Variants in PHTF2 observed in about 807,000 individuals in gnomAD.
PHTF2 encodes putative homeodomain transcription factor 2.
A neutral mutation model predicts 101.2 loss-of-function variants in PHTF2; 60 were observed. The ratio of observed to expected loss-of-function variants is 0.59; its 90% CI spans 0.48 to 0.73. The LOEUF is 0.73. Ranked by LOEUF, PHTF2 falls within the 30% of genes least tolerant of loss-of-function variation. PHTF2 has a pLI of 0.00. For synonymous variants in PHTF2, 311 were observed against 307.3 expected, an observed-to-expected ratio of 1.01 and a Z score of -0.13; for missense variants, 747 against 908.7, an observed-to-expected ratio of 0.82 and a Z score of 2.29.
chr7:77,859,317 G>T (rs1205644382), intron 3 of PHTF2, among the ~76,000 whole-genome samples: 1 of 152,142 alleles, frequency 6.6e-6, no homozygotes, highest in Non-Finnish European at 1.5e-5. Context: ...AAGGATAACT[G>T]AAGTATATTT....
At chr7:77,913,948 C>T (rs1802651919) in intron 9 of PHTF2, among the ~76,000 whole-genome samples, 1 of 151,820 alleles carries the variant, frequency 6.6e-6, no homozygotes, top group African/African-American at 2.4e-5. Flanking sequence ...TGCCTGTAAT[C>T]CCAGCTACTT....
intron 3 of PHTF2, among the ~76,000 whole-genome samples, chr7:77,885,387 C>T (rs1206527901): frequency 1.3e-5 from 2 of 152,146 alleles, no homozygotes; most frequent in African/African-American, 4.8e-5. Context: ...TAGGCATGAG[C>T]CACCAAGCCC....
Position 77,922,769 on chromosome 7 carries a change from C to T in PHTF2, c.1110C>T (p.Tyr370=), listed in dbSNP as rs1466890865. 7 of 1,589,946 alleles carry T rather than the reference C, an allele frequency of 4.4e-6. No individual in the cohort carries two copies. In the South Asian group the frequency reaches 7.9e-5, roughly 18 times the overall value. ...AGTCACACCATTATAAGAAACATTA[C>T]CCTAATGAGGTATATACTTTGTCCT... Residue 370 remains tyrosine, a synonymous_variant, in exon 11 of 20, where the codon TAC becomes TAT. Transcript: ENST00000416283.
At chr7:77,853,285 G>A (rs1252435443) in intron 2 of PHTF2, among the ~76,000 whole-genome samples, 2 of 151,508 alleles carry the variant, frequency 1.3e-5, no homozygotes, top group African/African-American at 4.9e-5. Flanking sequence ...TGTCTCTTCT[G>A]ACTGTATTTT....
chr7:77,805,675 T>G (rs1792915850), intron 1 of PHTF2, among the ~76,000 whole-genome samples: 1 of 152,222 alleles, frequency 6.6e-6, no homozygotes, highest in South Asian at 2.1e-4. Context: ...TATTTAGAAG[T>G]ATGTAGATGA....
intron 7 of PHTF2, among the ~76,000 whole-genome samples, chr7:77,904,636 G>T (rs1396580021): frequency 6.6e-6 from 1 of 152,194 alleles, no homozygotes; most frequent in Non-Finnish European, 1.5e-5. Flanking sequence ...GTGTGTGTGA[G>T]TGGAGAGAGA....
intron 5 of PHTF2, among the ~76,000 whole-genome samples, chr7:77,898,436 A>G (rs886773112): frequency 3.3e-5 from 5 of 152,218 alleles, no homozygotes; most frequent in Non-Finnish European, 5.9e-5. Context: ...CTAAATCCAA[A>G]TAGTGCTTTA....
intron 3 of PHTF2, among the ~76,000 whole-genome samples, chr7:77,859,435 A>C (rs549745339): frequency 6.6e-6 from 1 of 152,258 alleles, no homozygotes; most frequent in African/African-American, 2.4e-5. Flanking sequence ...CAGGATCCCA[A>C]ATATTTTCTT....
chr7:77,833,490 A>T (rs960822521), intron 1 of PHTF2, among the ~76,000 whole-genome samples: 34 of 152,182 alleles, frequency 2.2e-4, no homozygotes, highest in African/African-American at 8.0e-4. Flanking sequence ...GGCCAAGCGC[A>T]GTGGCTCACA....
intron 3 of PHTF2, among the ~76,000 whole-genome samples, chr7:77,892,084 T>G (rs537974536): frequency 1.3e-5 from 2 of 152,322 alleles, no homozygotes; most frequent in East Asian, 3.9e-4. Context: ...GAGACCATCC[T>G]GGCTAATGCG....
chr7:77,801,832 A>G (rs1342595514), intron 1 of PHTF2, among the ~76,000 whole-genome samples: 1 of 152,230 alleles, frequency 6.6e-6, no homozygotes, highest in African/African-American at 2.4e-5. Context: ...ATTCAGTTAA[A>G]GTATAGACAG....
chr7:77,922,246 C>T (rs965160432), intron 10 of PHTF2, among the ~76,000 whole-genome samples: 6 of 151,822 alleles, frequency 4.0e-5, no homozygotes, highest in Non-Finnish European at 8.8e-5. Flanking sequence ...AGGCTGGTCT[C>T]GAACCCCTGG....
At chr7:77,903,376 A>G (rs1277951745) in intron 7 of PHTF2, among the ~76,000 whole-genome samples, 1 of 152,196 alleles carries the variant, frequency 6.6e-6, no homozygotes, top group Non-Finnish European at 1.5e-5. Flanking sequence ...ACTTTATTTG[A>G]ATGTGGTCAG....
At chr7:77,932,460 C>T (rs748875519) in intron 12 of PHTF2, among the ~76,000 whole-genome samples, 1 of 151,788 alleles carries the variant, frequency 6.6e-6, no homozygotes, top group Non-Finnish European at 1.5e-5. Flanking sequence ...GTGCAAGAGT[C>T]CAAGGGATCT....
At chr7:77,938,651 C>T (rs1805369745) in intron 13 of PHTF2, among the ~76,000 whole-genome samples, 1 of 152,172 alleles carries the variant, frequency 6.6e-6, no homozygotes, top group Non-Finnish European at 1.5e-5. Flanking sequence ...GTGGCGGGCG[C>T]CTGTAGTCCC....
intron 1 of PHTF2, among the ~76,000 whole-genome samples, chr7:77,811,137 A>G (rs1422160086): frequency 6.6e-6 from 1 of 151,928 alleles, no homozygotes; most frequent in African/African-American, 2.4e-5. Context: ...CCTGACCTCA[A>G]GTGATCCACC....
chr7:77,883,143 G>A (rs550380555), intron 3 of PHTF2, among the ~76,000 whole-genome samples: 1 of 152,232 alleles, frequency 6.6e-6, no homozygotes, highest in Admixed American at 6.5e-5. Context: ...TGTTCGAGAA[G>A]TAGTAGTTAT....
At chr7:77,834,011 T>G (rs972496925) in intron 1 of PHTF2, among the ~76,000 whole-genome samples, 1 of 152,066 alleles carries the variant, frequency 6.6e-6, no homozygotes, top group Admixed American at 6.5e-5. Flanking sequence ...ATTAATACAA[T>G]TAGAGGGTTT....
At chr7:77,893,653 A>G (rs1800635101) in exon 4 of PHTF2, 4 of 1,371,062 alleles carry the variant, frequency 2.9e-6, no homozygotes, top group Non-Finnish European at 4.1e-6. Context: ...TGTTGAACAG[A>G]GAGAAATCAA....
Sources: gnomAD v4.1 joint callset for allele counts (sites outside exome capture counted in the v4.1 genomes callset) on GRCh38, gnomAD v4.1.1 for gene constraint, MANE v1.5 for transcripts, NCBI Gene and HGNC (gene_info 2026-07-23, HGNC 2026-07-21) for gene names.